The following SCAPER variants were observed in gnomAD, a reference collection of about 807,000 sequenced individuals.
The protein encoded by SCAPER is S-phase cyclin A associated protein in the ER, also known as S phase cyclin A-associated protein in the endoplasmic reticulum.
Under a neutral mutation model 182.2 loss-of-function variants are expected in SCAPER, and 98 were observed. The ratio of observed to expected loss-of-function variants is 0.54; its 90% CI spans 0.46 to 0.64. SCAPER has a LOEUF of 0.64. SCAPER is among the 30% of genes least tolerant of loss of function. The pLI, the probability that SCAPER is intolerant of heterozygous loss-of-function variation, is 0.00. For synonymous variants in SCAPER, 605 were observed against 564.6 expected (o/e 1.07, Z -1.01); for missense variants, 1,432 against 1,690.0 (o/e 0.85, Z 2.68).
At chr15:76,561,936 A>G (rs549317695) in intron 23 of SCAPER, among the ~76,000 whole-genome samples, 1 of 151,662 alleles carries the variant, frequency 6.6e-6, no homozygotes, top group African/African-American at 2.4e-5. Flanking sequence ...ACCTGAGGTC[A>G]GGAGTTCGAA....
At chr15:76,374,836 T>C (rs1397960164) in intron 29 of SCAPER, among the ~76,000 whole-genome samples, 2 of 152,084 alleles carry the variant, frequency 1.3e-5, no homozygotes, top group Non-Finnish European at 2.9e-5. Context: ...CTATTTGATA[T>C]GCTAGTTATG....
chr15:76,411,474 T>G (rs1264472499), intron 26 of SCAPER, among the ~76,000 whole-genome samples: 1 of 152,154 alleles, frequency 6.6e-6, no homozygotes, highest in Non-Finnish European at 1.5e-5. Flanking sequence ...CTCAAGCATT[T>G]CAGATAAGGC....
intron 17 of SCAPER, among the ~76,000 whole-genome samples, chr15:76,722,879 CT>C (rs2060346172): frequency 1.3e-5 from 2 of 152,070 alleles, no homozygotes; most frequent in South Asian, 4.1e-4. Flanking sequence ...AAAAAACAGG[CT>C]CCTGGATTCA....
chr15:76,559,147 G>A (rs2046404841), intron 23 of SCAPER, among the ~76,000 whole-genome samples: 1 of 150,710 alleles, frequency 6.6e-6, no homozygotes, highest in East Asian at 1.9e-4. Context: ...CAATTCTCCT[G>A]CCTTAGCCTG....
intron 25 of SCAPER, among the ~76,000 whole-genome samples, chr15:76,438,049 G>A (rs1474674992): frequency 1.3e-5 from 2 of 152,106 alleles, no homozygotes; most frequent in Admixed American, 6.5e-5. Context: ...TTGGGAGGCC[G>A]AGGTGGGTGG....
At chr15:76,671,589 G>A (rs2057015253) in intron 20 of SCAPER, among the ~76,000 whole-genome samples, 2 of 152,154 alleles carry the variant, frequency 1.3e-5, no homozygotes, top group Admixed American at 1.3e-4. Flanking sequence ...CTAACACGGT[G>A]AAACGCCGTC....
intron 23 of SCAPER, 22 bp downstream of exon 23, chr15:76,574,136 A>G: frequency 6.3e-7 from 1 of 1,585,752 alleles, no homozygotes; most frequent in Non-Finnish European, 8.6e-7. Flanking sequence ...TAAGGTTCAA[A>G]AGCCAGATAT....
chr15:76,671,197 T>C (rs906955374), intron 20 of SCAPER, among the ~76,000 whole-genome samples: 5 of 152,084 alleles, frequency 3.3e-5, no homozygotes, highest in East Asian at 1.9e-4. Flanking sequence ...CAGGACATCA[T>C]GGGCATGCAC....
chr15:76,902,870 A>G (rs2152634722), intron 1 of SCAPER, among the ~76,000 whole-genome samples: 1 of 152,284 alleles, frequency 6.6e-6, no homozygotes, highest in African/African-American at 2.4e-5. Context: ...CAGCATGGCC[A>G]ACATGGTGAA....
At chr15:76,561,575 C>T (rs1260472834) in intron 23 of SCAPER, among the ~76,000 whole-genome samples, 1 of 151,982 alleles carries the variant, frequency 6.6e-6, no homozygotes, top group Non-Finnish European at 1.5e-5. Context: ...AGTAACTTTT[C>T]TTAGCACTGT....
chr15:76,525,620 T>C (rs891942323), intron 23 of SCAPER, among the ~76,000 whole-genome samples: 1 of 152,204 alleles, frequency 6.6e-6, no homozygotes, highest in Non-Finnish European at 1.5e-5. Context: ...ACATGTGGTA[T>C]TTGGTTTTCT....
intron 25 of SCAPER, among the ~76,000 whole-genome samples, chr15:76,450,374 C>T (rs2048293428): frequency 6.6e-6 from 1 of 152,292 alleles, no homozygotes; most frequent in East Asian, 1.9e-4. Flanking sequence ...TGGCGTATTC[C>T]TTAAGCTCTC....
intron 26 of SCAPER, among the ~76,000 whole-genome samples, 200 bp from the exon 27 acceptor site, chr15:76,404,879 C>A (rs1380588849): frequency 6.6e-6 from 1 of 151,976 alleles, no homozygotes; most frequent in Non-Finnish European, 1.5e-5. Context: ...ATTTTTTTCT[C>A]TCTTCTTTCT....
chr15:76,577,403 T>C (rs905392395), intron 22 of SCAPER, among the ~76,000 whole-genome samples: 1 of 152,106 alleles, frequency 6.6e-6, no homozygotes, highest in Non-Finnish European at 1.5e-5. Flanking sequence ...GCTATGATCA[T>C]GCCACTGCGC....
rs76385141 is a variant in SCAPER at position 76,514,902 on chromosome 15, T to C, written c.2839-9928A>G. Among the ~76,000 whole-genome samples, 1,201 of 152,338 alleles carry C rather than the reference T, an allele frequency of 7.9e-3. 12 individuals are homozygous for C. Among genetic ancestry groups the C allele is most frequent in the African/African-American group, 0.027 (1,141 of 41,582 alleles). ...AAGCACAATGAGATGATGCTCCTTG[T>C]TCTGTGTTTTTCCCTTACAAGCTTC... On this transcript the variant is annotated intron_variant, in intron 23 of 31. Coordinates refer to ENST00000563290, the MANE Select transcript of SCAPER (RefSeq NM_020843.4).
chr15:76,689,192 G>A (rs1050153267), intron 20 of SCAPER, among the ~76,000 whole-genome samples: 3 of 151,866 alleles, frequency 2.0e-5, no homozygotes, highest in Non-Finnish European at 4.4e-5. Flanking sequence ...AAATCAAACT[G>A]TCCTCAATTA....
chr15:76,426,769 T>G (rs1596556886), intron 26 of SCAPER, among the ~76,000 whole-genome samples: 1 of 152,244 alleles, frequency 6.6e-6, no homozygotes, highest in East Asian at 1.9e-4. Flanking sequence ...AAAGCAATCC[T>G]GAGCAAAAAG....
At chr15:76,457,149 G>A (rs541946261) in intron 25 of SCAPER, among the ~76,000 whole-genome samples, 94 of 151,210 alleles carry the variant, frequency 6.2e-4, no homozygotes, top group Non-Finnish European at 1.1e-3. Flanking sequence ...CGCAACCTCC[G>A]CCTCCCGGGT....
At position 76,652,270 on chromosome 15, in the gene SCAPER, AAAAATAT is replaced by A. The variant is rs1466984946; in HGVS notation, c.2645+13376_2645+13382del. On this transcript the variant is annotated intron_variant, in intron 21 of 31. Transcript: ENST00000563290. ...TGTGTCTCTGCTAAAAAAAAAAAAAAAAAATATATATATATATATATATATATATATA... is the reference window on the plus strand; with the variant it reads ...TGTGTCTCTGCTAAAAAAAAAAAAAAATATATATATATATATATATATATA... 1.7e-4 allele frequency among the ~76,000 whole-genome samples: 3 copies of A among 17,196 alleles called. 1 individual carries two copies. The highest frequency in any genetic ancestry group is 1.9e-3 in the Admixed American group (2 of 1,054). 11.3% of individuals were successfully genotyped at this position (17,196 alleles called of 152,430 possible). A position where few individuals can be genotyped will look rare whatever the true frequency, so the allele number is the denominator to read the frequency against.
Sources: allele counts gnomAD v4.1 joint callset (sites outside exome capture counted in the v4.1 genomes callset), GRCh38; gene constraint gnomAD v4.1.1; transcripts MANE v1.5; gene names NCBI Gene and HGNC (gene_info 2026-07-23, HGNC 2026-07-21).